Variants in FAM135A observed in about 807,000 individuals in gnomAD.
FAM135A encodes the protein protein FAM135A.
In FAM135A, 79 loss-of-function variants were observed where a neutral mutation model predicts 146.8. That is an observed-to-expected ratio of 0.54 (90% CI 0.45 to 0.65). The LOEUF is 0.65. FAM135A is among the 30% of genes least tolerant of loss of function. FAM135A has a pLI of 0.00. For synonymous variants in FAM135A, 562 were observed against 603.6 expected (o/e 0.93, Z 1.01); for missense variants, 1,623 against 1,758.2 (o/e 0.92, Z 1.38).
chr6:70,417,559 A>G (rs1767837073), intron 2 of FAM135A: 3 of 954,416 alleles, frequency 3.1e-6, no homozygotes, highest in Non-Finnish European at 2.5e-6. Context: ...TTCTTTTGCT[A>G]CTGGTCTTAA....
chr6:70,439,603 A>G (rs1454302230), intron 4 of FAM135A, among the ~76,000 whole-genome samples: 1 of 152,058 alleles, frequency 6.6e-6, no homozygotes, highest in African/African-American at 2.4e-5. Context: ...ATTTAATGTA[A>G]TGGCTGATTT....
chr6:70,425,723 A>T (rs1227265751), intron 2 of FAM135A, among the ~76,000 whole-genome samples: 7 of 152,260 alleles, frequency 4.6e-5, no homozygotes, highest in Admixed American at 4.6e-4. Context: ...ATACACACAT[A>T]CATACATATA....
chr6:70,446,637 G>A (rs1246810264), intron 4 of FAM135A, among the ~76,000 whole-genome samples: 1 of 152,208 alleles, frequency 6.6e-6, no homozygotes, highest in Admixed American at 6.5e-5. Context: ...AGATCAGAAA[G>A]CATGTGTAAC....
chr6:70,498,818 T>TCA (rs1380155098), intron 11 of FAM135A, among the ~76,000 whole-genome samples: 1 of 152,258 alleles, frequency 6.6e-6, no homozygotes, highest in Non-Finnish European at 1.5e-5. Flanking sequence ...AGTTCTAATT[T>TCA]GATTGCACTG....
At position 70,475,465 on chromosome 6, in the gene FAM135A, A is replaced by G. The variant is rs749366556; in HGVS notation, c.213A>G (p.Thr71=). Residue 71 remains threonine (T), a synonymous_variant, in exon 6 of 22, where the codon ACA becomes ACG. Transcript: ENST00000418814. ...ATGATTCTCTAATTTGCAGTAAAAC[A>G]TTTCAAATTTTGTACAAAAATGAAG... ...SVHDSLICSK[T]FQILYKNEEV... 36 of 1,606,538 alleles carry G rather than the reference A, an allele frequency of 2.2e-5. No homozygotes were observed. Among genetic ancestry groups the G allele is most frequent in the Admixed American group, 5.1e-5 (3 of 59,034 alleles).
intron 5 of FAM135A, among the ~76,000 whole-genome samples, chr6:70,458,371 A>C (rs781506498): frequency 1.3e-4 from 20 of 152,178 alleles, no homozygotes; most frequent in Non-Finnish European, 1.6e-4. Context: ...CAAATATTAT[A>C]TCAATGTATT....
chr6:70,471,726 G>C (rs1781653557), intron 5 of FAM135A, among the ~76,000 whole-genome samples: 1 of 152,066 alleles, frequency 6.6e-6, no homozygotes, highest in Non-Finnish European at 1.5e-5. Flanking sequence ...GAACTTAAAA[G>C]TTGCAAATTT....
intron 12 of FAM135A, among the ~76,000 whole-genome samples, chr6:70,513,770 T>C (rs1347919599): frequency 6.6e-6 from 1 of 152,112 alleles, no homozygotes; most frequent in African/African-American, 2.4e-5. Context: ...CTCAAGTTGG[T>C]CAATAGCGTT....
chr6:70,511,738 T>C (rs1485913501), intron 12 of FAM135A, among the ~76,000 whole-genome samples: 3 of 151,828 alleles, frequency 2.0e-5, no homozygotes, highest in Admixed American at 1.3e-4. Flanking sequence ...CATTATAGAA[T>C]ATACTATAGA....
chr6:70,465,600 G>A (rs1014100125), intron 5 of FAM135A, among the ~76,000 whole-genome samples: 1 of 151,926 alleles, frequency 6.6e-6, no homozygotes. Context: ...GGCTAATCTT[G>A]AACTCCTGGA....
intron 12 of FAM135A, among the ~76,000 whole-genome samples, chr6:70,508,937 T>G (rs1561938776): frequency 6.6e-6 from 1 of 152,200 alleles, no homozygotes; most frequent in Non-Finnish European, 1.5e-5. Context: ...GGAAAAGAAT[T>G]CCTTGCTCAA....
chr6:70,512,100 T>A (rs1791119261), intron 12 of FAM135A, among the ~76,000 whole-genome samples: 1 of 151,984 alleles, frequency 6.6e-6, no homozygotes, highest in Non-Finnish European at 1.5e-5. Context: ...ACAAAATGAC[T>A]TTGTGCTGCT....
chr6:70,459,910 A>G (rs1779113865), intron 5 of FAM135A, among the ~76,000 whole-genome samples: 1 of 152,132 alleles, frequency 6.6e-6, no homozygotes, highest in African/African-American at 2.4e-5. Context: ...GGGTGCCTGT[A>G]ATTCCCGCTA....
At chr6:70,513,015 C>G (rs1791389744) in intron 12 of FAM135A, among the ~76,000 whole-genome samples, 1 of 150,924 alleles carries the variant, frequency 6.6e-6, no homozygotes, top group African/African-American at 2.4e-5. Context: ...TTTTTGACAT[C>G]ATTTATTGAA....
At chr6:70,459,883 T>C (rs199999594) in intron 5 of FAM135A, among the ~76,000 whole-genome samples, 3 of 152,184 alleles carry the variant, frequency 2.0e-5, no homozygotes, top group African/African-American at 7.2e-5. Context: ...CAAAAAAAAT[T>C]AGCCAGGCGT....
intron 12 of FAM135A, among the ~76,000 whole-genome samples, chr6:70,521,922 TTTG>T (rs1001063777): frequency 1.3e-5 from 2 of 152,134 alleles, no homozygotes; most frequent in Non-Finnish European, 2.9e-5. Context: ...TTTTTTTTGT[TTTG>T]TTTTTTTGAG....
chr6:70,434,004 A>T (rs1181852717), intron 4 of FAM135A, among the ~76,000 whole-genome samples: 1 of 152,196 alleles, frequency 6.6e-6, no homozygotes, highest in Non-Finnish European at 1.5e-5. Flanking sequence ...TTAAACTCTG[A>T]AAACGAAGTC....
chr6:70,451,416 T>C (rs79130716), intron 4 of FAM135A, among the ~76,000 whole-genome samples: 3,635 of 152,302 alleles, frequency 0.024, 59 homozygotes, highest in Non-Finnish European at 0.038. Context: ...AAACTTTGCT[T>C]TCCCCTGGTT....
At chr6:70,504,464 GA>G (rs1001043067) in intron 12 of FAM135A, 1 of 152,074 alleles carries the variant, frequency 6.6e-6, no homozygotes, top group African/African-American at 2.4e-5. Flanking sequence ...AGAATAGAAG[GA>G]AACTAAGAGA....
Sources: gnomAD v4.1 joint callset for allele counts (sites outside exome capture counted in the v4.1 genomes callset) on GRCh38, gnomAD v4.1.1 for gene constraint, MANE v1.5 for transcripts, NCBI Gene and HGNC (gene_info 2026-07-23, HGNC 2026-07-21) for gene names.